The following RGS7BP variants were observed in gnomAD, a reference collection of about 807,000 sequenced individuals.
The protein encoded by RGS7BP is regulator of G protein signaling 7-binding protein.
In RGS7BP, 9 loss-of-function variants were observed where a neutral mutation model predicts 31.3. That is an observed-to-expected ratio of 0.29 (90% CI 0.17 to 0.50). The LOEUF is 0.50. RGS7BP is among the 20% of genes least tolerant of loss of function. The pLI is 0.98. For synonymous variants in RGS7BP, 115 were observed against 120.1 expected (o/e 0.96, Z 0.28); for missense variants, 274 against 322.0 (o/e 0.85, Z 1.14).
intron 3 of RGS7BP, among the ~76,000 whole-genome samples, chr5:64,576,515 G>C (rs1285396521): frequency 2.8e-4 from 43 of 152,182 alleles, no homozygotes; most frequent in Non-Finnish European, 1.2e-4. Flanking sequence ...CCTCACATTA[G>C]CAAACTGCAG....
chr5:64,603,362 TG>T (rs541874266), intron 5 of RGS7BP, among the ~76,000 whole-genome samples: 7 of 152,074 alleles, frequency 4.6e-5, no homozygotes, highest in Non-Finnish European at 7.4e-5. Context: ...CTTTTGGACA[TG>T]GGGGGAACTT....
chr5:64,590,412 T>G (rs1253054725), intron 3 of RGS7BP, among the ~76,000 whole-genome samples: 2 of 151,950 alleles, frequency 1.3e-5, no homozygotes, highest in Non-Finnish European at 2.9e-5. Context: ...TACAAAGAAA[T>G]CAGGAGCCAT....
At chr5:64,576,915 A>G (rs1376870895) in intron 3 of RGS7BP, among the ~76,000 whole-genome samples, 1 of 152,254 alleles carries the variant, frequency 6.6e-6, no homozygotes, top group Non-Finnish European at 1.5e-5. Flanking sequence ...ATGGTAGAGC[A>G]TAGGCTGTGC....
intron 5 of RGS7BP, among the ~76,000 whole-genome samples, chr5:64,606,021 CATATAT>C (rs66605526): frequency 2.3e-4 from 27 of 115,218 alleles, no homozygotes; most frequent in Non-Finnish European, 3.1e-4. Flanking sequence ...TATCTGGATA[CATATAT>C]ATATATATAT....
At chr5:64,525,723 T>C (rs1749216381) in intron 2 of RGS7BP, among the ~76,000 whole-genome samples, 1 of 152,150 alleles carries the variant, frequency 6.6e-6, no homozygotes, top group African/African-American at 2.4e-5. Context: ...TAGCCCACGA[T>C]CTTGCCCACG....
intron 2 of RGS7BP, among the ~76,000 whole-genome samples, chr5:64,538,781 C>T (rs765565669): frequency 6.6e-6 from 1 of 151,820 alleles, no homozygotes; most frequent in Admixed American, 6.6e-5. Flanking sequence ...GTCTTGAACT[C>T]CTGACCTCAA....
intron 5 of RGS7BP, among the ~76,000 whole-genome samples, chr5:64,605,879 T>A (rs921502301): frequency 6.7e-6 from 1 of 150,232 alleles, no homozygotes; most frequent in African/African-American, 2.4e-5. Flanking sequence ...GTGTACATAA[T>A]GTGTATATAT....
intron 3 of RGS7BP, among the ~76,000 whole-genome samples, chr5:64,592,014 G>A (rs922828629): frequency 6.6e-6 from 1 of 152,154 alleles, no homozygotes; most frequent in Non-Finnish European, 1.5e-5. Context: ...ACATAAGCAA[G>A]ATCATTTCTG....
At chr5:64,590,321 T>C (rs1199508916) in intron 3 of RGS7BP, among the ~76,000 whole-genome samples, 1 of 151,834 alleles carries the variant, frequency 6.6e-6, no homozygotes, top group Non-Finnish European at 1.5e-5. Flanking sequence ...TCTGAAATAA[T>C]TAGTCAAGGA....
chr5:64,506,772 C>CT lies in RGS7BP; in HGVS notation c.149dup (p.Asp51GlyfsTer47). On this transcript the variant is annotated frameshift_variant, in exon 1 of 6. Transcript: ENST00000334025. LOFTEE classifies it high-confidence loss of function. This position sits in a 1 kb window ranked among gnomAD's most constrained non-coding sequence, Gnocchi z 4.6. ...GAGCGCCCACAAAACCCAACGAGCC[C>CT]TGGACGACTGCAAGATGGTGGGTGA... 1 of 1,591,504 alleles carries CT rather than the reference C, an allele frequency of 6.3e-7. No individual in the cohort carries two copies. The highest frequency in any genetic ancestry group is 8.6e-7 in the Non-Finnish European group (1 of 1,165,102).
At chr5:64,563,326 C>A (rs1742096436) in intron 2 of RGS7BP, among the ~76,000 whole-genome samples, 1 of 151,904 alleles carries the variant, frequency 6.6e-6, no homozygotes, top group South Asian at 2.1e-4. Context: ...TTGTATGTCC[C>A]CCAAATTCAT....
intron 2 of RGS7BP, among the ~76,000 whole-genome samples, chr5:64,568,757 G>A (rs968387415): frequency 2.2e-4 from 32 of 147,900 alleles, no homozygotes; most frequent in East Asian, 2.0e-4. Context: ...TATAAGCATC[G>A]AAGGTCAGGG....
intron 2 of RGS7BP, among the ~76,000 whole-genome samples, chr5:64,542,619 G>A: frequency 6.6e-6 from 1 of 152,168 alleles, no homozygotes. Context: ...CCTGGTTGAG[G>A]TCAACCATTT....
At chr5:64,543,921 C>G (rs186415919) in intron 2 of RGS7BP, among the ~76,000 whole-genome samples, 3 of 152,350 alleles carry the variant, frequency 2.0e-5, no homozygotes, top group Non-Finnish European at 4.4e-5. Context: ...AATAAAATCC[C>G]TGGCATCTCT....
intron 3 of RGS7BP, among the ~76,000 whole-genome samples, chr5:64,578,633 G>T (rs958964300): frequency 1.3e-5 from 2 of 152,196 alleles, no homozygotes; most frequent in African/African-American, 4.8e-5. Context: ...ATGCCATTCT[G>T]CTTTGCTACT....
intron 2 of RGS7BP, among the ~76,000 whole-genome samples, chr5:64,527,687 A>G (rs1267953299): frequency 6.6e-6 from 1 of 151,380 alleles, no homozygotes; most frequent in Non-Finnish European, 1.5e-5. Context: ...TAAATAAATA[A>G]CGCATACCCA....
chr5:64,542,326 A>C (rs951436304), intron 2 of RGS7BP, among the ~76,000 whole-genome samples: 2 of 152,240 alleles, frequency 1.3e-5, no homozygotes, highest in Non-Finnish European at 2.9e-5. Flanking sequence ...GGTTCAGAGT[A>C]ACAGCTGAGT....
intron 2 of RGS7BP, among the ~76,000 whole-genome samples, chr5:64,569,566 C>G (rs1334045579): frequency 6.6e-6 from 1 of 151,970 alleles, no homozygotes; most frequent in Non-Finnish European, 1.5e-5. Context: ...GAATTTGAAA[C>G]CAAAATTAAT....
intron 5 of RGS7BP, 100 bp downstream of exon 5, chr5:64,598,535 T>C (rs1255345273): frequency 2.6e-6 from 2 of 780,074 alleles, no homozygotes; most frequent in African/African-American, 3.5e-5. Context: ...ACACAAACAG[T>C]AGAAGGCATT....
Sources: allele counts gnomAD v4.1 joint callset (sites outside exome capture counted in the v4.1 genomes callset), GRCh38; gene constraint gnomAD v4.1.1; non-coding constraint Gnocchi (gnomAD v3.1); transcripts MANE v1.5; gene names NCBI Gene and HGNC (gene_info 2026-07-23, HGNC 2026-07-21).